DLG4: variants seen among roughly 807,000 people sequenced by gnomAD.
DLG4 encodes the protein disks large homolog 4.
In DLG4, 7 loss-of-function variants were observed where a neutral mutation model predicts 93.8. The ratio of observed to expected loss-of-function variants is 0.07; its 90% CI spans 0.04 to 0.14. The LOEUF (loss-of-function observed/expected upper bound fraction) is 0.14, where lower values mean the gene tolerates loss of function less well. Among genes scored for constraint, DLG4 ranks in the 10% least tolerant of loss-of-function variants. The pLI is 1.00. For missense variants in DLG4, 545 were observed against 992.9 expected (o/e 0.55, Z 6.06); for synonymous variants, 341 against 387.6 (o/e 0.88, Z 1.41).
intron 3 of DLG4, 21 bp from the exon 4 acceptor site, chr17:7,204,088 A>T: frequency 3.7e-6 from 6 of 1,605,780 alleles, no homozygotes; most frequent in Non-Finnish European, 4.3e-6. Context: ...CAGAAACACA[A>T]AAGCAGTGAG....
chr17:7,194,624 CA>C lies in DLG4; in HGVS notation c.1302-130del. ...TGGGAGCTATGGATGCCGAGGAACC[CA>C]AAACTGTGTGGGGACCAAACGCTGA... On this transcript the variant is annotated intron_variant, in intron 11 of 19. Coordinates refer to ENST00000399506, the MANE Select transcript of DLG4 (RefSeq NM_001321075.3). This position sits in a 1 kb window ranked among gnomAD's most constrained non-coding sequence, Gnocchi z 4.4. 2 of 967,416 alleles carry C rather than the reference CA, an allele frequency of 2.1e-6. No individual in the cohort carries two copies. Among genetic ancestry groups the C allele is most frequent in the South Asian group, 3.4e-5 (2 of 59,186 alleles). 59.9% of individuals were successfully genotyped at this position (967,416 alleles called of 1,614,324 possible).
intron 2 of DLG4, chr17:7,205,191 A>C: frequency 1.0e-6 from 1 of 983,808 alleles, no homozygotes; most frequent in Non-Finnish European, 1.2e-6. Context: ...AGGAACTGGG[A>C]GTGGTGAAAG....
rs1185288580 is a variant in DLG4 at position 7,191,087 on chromosome 17, G to A, written c.2068+180C>T. Among the ~76,000 whole-genome samples the A allele has an allele frequency of 6.7e-6, 1 of 150,282 alleles. No homozygotes were observed. Among genetic ancestry groups the A allele is most frequent in the Non-Finnish European group, 1.5e-5 (1 of 67,812 alleles). On this transcript the variant is annotated intron_variant, in intron 19 of 19. Transcript: ENST00000399506. The surrounding 1 kb of genome is among the most constrained non-coding windows in gnomAD (Gnocchi z 6.6). ...CAGGTTCAAGCGATTCTCCTGCCTC[G>A]GCCTACCGAGTAGCTGGGATTACAG...
At chr17:7,205,133 C>T in intron 2 of DLG4, 3 of 985,562 alleles carry the variant, frequency 3.0e-6, no homozygotes, top group Non-Finnish European at 3.6e-6. Context: ...AATAACCTGC[C>T]TTCCTCGCTC....
At chr17:7,192,069 G>A in intron 17 of DLG4, 67 bp from the exon 18 acceptor site, 1 of 888,786 alleles carries the variant, frequency 1.1e-6, no homozygotes, top group Non-Finnish European at 1.6e-6. Flanking sequence ...AGCAGTGCCG[G>A]AGGGACACGG....
At chr17:7,219,548 C>T, upstream of DLG4, 1 of 1,102,098 alleles carries the variant, frequency 9.1e-7, no homozygotes, top group Non-Finnish European at 1.1e-6. Flanking sequence ...TCATCAGGAA[C>T]CCTAGAGTCT....
upstream of DLG4, chr17:7,220,039 G>A: frequency 6.2e-7 from 1 of 1,604,286 alleles, no homozygotes; most frequent in Non-Finnish European, 8.5e-7. Flanking sequence ...GAGGCTCGGG[G>A]GCGGAAGGTC....
Position 7,208,648 on chromosome 17 carries a change from C to T in DLG4, c.31-409G>A, listed in dbSNP as rs1311011149. On this transcript the variant is annotated intron_variant, in intron 1 of 19. Coordinates refer to ENST00000399506, the MANE Select transcript of DLG4 (RefSeq NM_001321075.3). The surrounding 1 kb of genome is among the most constrained non-coding windows in gnomAD (Gnocchi z 5.4). ...TCCATTCTCTGCCTCCAGTCCCCAA[C>T]TTCCTTGCTTCTCTCACCATCTCAG... is the stretch of plus-strand genomic sequence containing the variant. Among the ~76,000 whole-genome samples the T allele has an allele frequency of 2.0e-5, 3 of 152,090 alleles. No individual in the cohort carries two copies. Among genetic ancestry groups the T allele is most frequent in the Non-Finnish European group, 4.4e-5 (3 of 68,016 alleles).
At position 7,195,745 on chromosome 17, in the gene DLG4, A is replaced by G. The variant is rs1211360711; in HGVS notation, c.1301+475T>C. On this transcript the variant is annotated intron_variant, in intron 11 of 19. Transcript: ENST00000399506. This position sits in a 1 kb window ranked among gnomAD's most constrained non-coding sequence, Gnocchi z 4.3. The stretch of plus-strand genomic sequence containing the variant: ...GGGCGGGAGAGAGGTGTGTTTTGGC[A>G]GAAACCTAAGCCACAAAAAGAGTCA... Among the ~76,000 whole-genome samples, 1 of 152,188 alleles carries G rather than the reference A, an allele frequency of 6.6e-6. No homozygotes were observed. The highest frequency in any genetic ancestry group is 1.5e-5 in the Non-Finnish European group (1 of 68,026).
In DLG4 at chr17:7,190,520, A is replaced by G. The variant is rs2069432830; in HGVS notation, c.*188T>C. 1 of 579,244 alleles carries G rather than the reference A, an allele frequency of 1.7e-6. No individual in the cohort carries two copies. 35.9% of individuals were successfully genotyped at this position (579,244 alleles called of 1,614,324 possible). ...CCAGGTTCCTGGCGTTCAGGAGCCC[A>G]GTTCTGGGGTGCGGGGATACATGCA... On this transcript the variant is annotated 3_prime_UTR_variant, in exon 20 of 20. Transcript: ENST00000399506.
At position 7,197,101 on chromosome 17, in the gene DLG4, C is replaced by T. The variant is rs375294226; in HGVS notation, c.788-49G>A. ...AAAGTGCCTGGAGGGAAACAGCACCCGCCACCCAACCTTCTCCCCAGGGTG... is the reference window on the plus strand; with the variant it reads ...AAAGTGCCTGGAGGGAAACAGCACCTGCCACCCAACCTTCTCCCCAGGGTG... On this transcript the variant is annotated intron_variant, in intron 8 of 19. Coordinates refer to ENST00000399506, the MANE Select transcript of DLG4 (RefSeq NM_001321075.3). The T allele has an allele frequency of 2.3e-4, 346 of 1,518,366 alleles. 1 individual carries two copies. The highest frequency in any genetic ancestry group is 2.9e-4 in the Non-Finnish European group (326 of 1,128,492). 94.1% of individuals were successfully genotyped at this position (1,518,366 alleles called of 1,614,324 possible). A position where few individuals can be genotyped will look rare whatever the true frequency, so the allele number is the denominator to read the frequency against.
In DLG4 at chr17:7,194,571, G is replaced by T; in HGVS notation, c.1302-76C>A. 1 of 1,490,228 alleles carries T rather than the reference G, an allele frequency of 6.7e-7. No individual in the cohort carries two copies. The highest frequency in any genetic ancestry group is 9.0e-7 in the Non-Finnish European group (1 of 1,107,492). The allele number at this position is 1,490,228 out of a possible 1,614,324, so 92.3% of individuals were successfully genotyped here. On this transcript the variant is annotated intron_variant, in intron 11 of 19. Transcript: ENST00000399506. The surrounding 1 kb of genome is among the most constrained non-coding windows in gnomAD (Gnocchi z 4.4). ...GATGCCCCAGTCACCCAAAGACCCG[G>T]CCCAGAGGTCTGCAGATGGCACTCC...
At position 7,188,419 on chromosome 17, in the gene DLG4, C is replaced by G. The variant is rs996240893; in HGVS notation, c.*2289G>C. Among the ~76,000 whole-genome samples, 1 of 152,112 alleles carries G rather than the reference C, an allele frequency of 6.6e-6. No individual in the cohort carries two copies. Among genetic ancestry groups the G allele is most frequent in the Non-Finnish European group, 1.5e-5 (1 of 68,024 alleles). ...TGTTTGGGATTTAACCACCATAACT[C>G]TTAGGGCCCTCTGCCTCAGCCTTAC... is the stretch of plus-strand genomic sequence containing the variant. On this transcript the variant is annotated 3_prime_UTR_variant, in exon 20 of 20. Transcript: ENST00000399506.
chr17:7,193,380 C>T lies in DLG4; in HGVS notation c.1693+103G>A. On this transcript the variant is annotated intron_variant, in intron 16 of 19. Transcript: ENST00000399506. The surrounding 1 kb of genome is among the most constrained non-coding windows in gnomAD (Gnocchi z 6.7). The stretch of plus-strand genomic sequence containing the variant: ...CTCGGAGAAACCCTGTATCTCCCTA[C>T]ACACCGATCCCCCAGGAGGCTCTGC... 1 of 1,197,938 alleles carries T rather than the reference C, an allele frequency of 8.3e-7. No homozygotes were observed. The highest frequency in any genetic ancestry group is 1.1e-6 in the Non-Finnish European group (1 of 878,068). The allele number at this position is 1,197,938 out of a possible 1,614,324, so 74.2% of individuals were successfully genotyped here.
Position 7,196,658 on chromosome 17 carries a change from A to G in DLG4, c.1084-83T>C. 6.3e-7 allele frequency: 1 copy of G among 1,590,236 alleles called. No individual in the cohort carries two copies. Among genetic ancestry groups the G allele is most frequent in the Non-Finnish European group, 8.6e-7 (1 of 1,166,120 alleles). On this transcript the variant is annotated intron_variant, in intron 9 of 19. Transcript: ENST00000399506. This position sits in a 1 kb window ranked among gnomAD's most constrained non-coding sequence, Gnocchi z 8.3. ...AGGTGGAGCAGGGAGTGGTCCCGCAAGAGGACTCGGCTGCAGCCCATCCAG... is the reference window on the plus strand; with the variant it reads ...AGGTGGAGCAGGGAGTGGTCCCGCAGGAGGACTCGGCTGCAGCCCATCCAG...
Position 7,187,388 on chromosome 17 carries a change from T to C in DLG4, c.*3320A>G, listed in dbSNP as rs2069324987. 1.5e-5 allele frequency among the ~76,000 whole-genome samples: 2 copies of C among 131,208 alleles called. No individual in the cohort carries two copies. The highest frequency in any genetic ancestry group is 1.8e-4 in the Admixed American group (2 of 11,008). The allele number at this position is 131,208 out of a possible 152,430, so 86.1% of individuals were successfully genotyped here. A position where few individuals can be genotyped will look rare whatever the true frequency, so the allele number is the denominator to read the frequency against. ...TGGTGAAATCCCCATCTCTACTAAA[T>C]ACAAAAAATTAGCTGGGCGTGGTGG... On this transcript the variant is annotated 3_prime_UTR_variant, in exon 20 of 20. Transcript: ENST00000399506.
At chr17:7,204,132 C>G in intron 3 of DLG4, 65 bp from the exon 4 acceptor site, 1 of 1,599,952 alleles carries the variant, frequency 6.3e-7, no homozygotes, top group Non-Finnish European at 8.5e-7. Flanking sequence ...TGCCCGTCAT[C>G]TGCTGCCCTC....
chr17:7,217,604 G>C lies in DLG4; in HGVS notation c.-457C>G. 1 of 1,378,204 alleles carries C rather than the reference G, an allele frequency of 7.3e-7. No homozygotes were observed. The highest frequency in any genetic ancestry group is 9.5e-7 in the Non-Finnish European group (1 of 1,056,262). 85.4% of individuals were successfully genotyped at this position (1,378,204 alleles called of 1,614,324 possible). On this transcript the variant is annotated 5_prime_UTR_variant, in exon 1 of 20. Transcript: ENST00000399506. ...CAGCGGCCGAGGGAGCCGTGGAGCC[G>C]AAGAGGGAAGGGGAGAGAGGAGGAG...
Position 7,217,266 on chromosome 17 carries a change from A to C in DLG4, c.-119T>G. The C allele has an allele frequency of 9.9e-7, 1 of 1,011,464 alleles. No individual in the cohort carries two copies. The highest frequency in any genetic ancestry group is 1.2e-6 in the Non-Finnish European group (1 of 832,752). 62.7% of individuals were successfully genotyped at this position (1,011,464 alleles called of 1,614,324 possible). A position where few individuals can be genotyped will look rare whatever the true frequency, so the allele number is the denominator to read the frequency against. Reference sequence around the variant, plus strand: ...GCACCCCACTTTTGCAGGGGGGGCCAGGATGGGGGGAGGGGTGAGAGGGGA... The same window carrying C: ...GCACCCCACTTTTGCAGGGGGGGCCCGGATGGGGGGAGGGGTGAGAGGGGA... On this transcript the variant is annotated 5_prime_UTR_variant, in exon 1 of 20. Coordinates refer to ENST00000399506, the MANE Select transcript of DLG4 (RefSeq NM_001321075.3).
Sources: gnomAD v4.1 joint callset for allele counts (sites outside exome capture counted in the v4.1 genomes callset) on GRCh38, gnomAD v4.1.1 for gene constraint, Gnocchi (gnomAD v3.1) non-coding constraint, MANE v1.5 for transcripts, NCBI Gene and HGNC (gene_info 2026-07-23, HGNC 2026-07-21) for gene names.